TRIM33: variants seen among roughly 807,000 people sequenced by gnomAD.
The protein encoded by TRIM33 is E3 ubiquitin-protein ligase TRIM33.
In TRIM33, 20 loss-of-function variants were observed where a neutral mutation model predicts 125.4. That is an observed-to-expected ratio of 0.16 (90% CI 0.11 to 0.23). TRIM33 has a LOEUF of 0.23. Ranked by LOEUF, TRIM33 falls within the 10% of genes least tolerant of loss-of-function variation. The pLI, the probability that TRIM33 is intolerant of heterozygous loss-of-function variation, is 1.00. For missense variants in TRIM33, 920 were observed against 1,411.4 expected (o/e 0.65, Z 5.58); for synonymous variants, 564 against 513.9 (o/e 1.10, Z -1.32).
intron 17 of TRIM33, 65 bp from the exon 18 acceptor site, chr1:114,399,674 T>C (rs73003383): frequency 0.06 from 80,741 of 1,340,596 alleles, 2,613 homozygotes; most frequent in African/African-American, 0.087. Flanking sequence ...AATTTGAAAA[T>C]GCATAGCATA....
At chr1:114,483,947 G>T (rs754934503) in intron 1 of TRIM33, among the ~76,000 whole-genome samples, 11 of 152,104 alleles carry the variant, frequency 7.2e-5, no homozygotes, top group Non-Finnish European at 1.5e-4. Flanking sequence ...TTAGGAAACC[G>T]GAACAATGAG....
chr1:114,409,209 CATTTA>C lies in TRIM33; in HGVS notation c.2195-474_2195-470del, dbSNP rs556759600. The stretch of plus-strand genomic sequence containing the variant: ...GTGTGTTTCAGTAAGAAAAAAATAA[CATTTA>C]ATTTACGTTAGAAAAATACATTCAA... On this transcript the variant is annotated intron_variant, in intron 12 of 19. Transcript: ENST00000358465. Among the ~76,000 whole-genome samples, 765 of 152,224 alleles carry C rather than the reference CATTTA, an allele frequency of 5.0e-3. 7 individuals carry two copies. The highest frequency in any genetic ancestry group is 0.018 in the African/African-American group (727 of 41,536).
rs563481831 is a variant in TRIM33, at chr1:114,398,477, A to G, written c.3121-487T>C. On this transcript the variant is annotated intron_variant, in intron 18 of 19. Coordinates refer to ENST00000358465, the MANE Select transcript of TRIM33 (RefSeq NM_015906.4). ...GAAAATAATTTAACTGCACTGAAAA[A>G]TAAGACAGAATTTGGGACTAAATAT... Among the ~76,000 whole-genome samples, 173 of 152,322 alleles carry G rather than the reference A, an allele frequency of 1.1e-3. 1 individual carries two copies. The highest frequency in any genetic ancestry group is 1.8e-3 in the Non-Finnish European group (124 of 68,000).
chr1:114,422,539 G>A (rs141978450), intron 10 of TRIM33, among the ~76,000 whole-genome samples: 252 of 152,092 alleles, frequency 1.7e-3, no homozygotes, highest in African/African-American at 5.7e-3. Flanking sequence ...ATGCTCTGCT[G>A]GATCTCCTTT....
At chr1:114,442,730 TAGA>T (rs1305777626) in intron 4 of TRIM33, among the ~76,000 whole-genome samples, 3 of 150,688 alleles carry the variant, frequency 2.0e-5, no homozygotes, top group Non-Finnish European at 4.4e-5. Flanking sequence ...AAAAAACTCT[TAGA>T]AGAATTTACG....
intron 11 of TRIM33, among the ~76,000 whole-genome samples, chr1:114,413,002 C>CA (rs1386693206): frequency 6.6e-6 from 1 of 152,148 alleles, no homozygotes. Flanking sequence ...ACATTCTCAC[C>CA]AATACTTGCT....
At chr1:114,458,503 G>A (rs1649755677) in intron 4 of TRIM33, among the ~76,000 whole-genome samples, 1 of 152,124 alleles carries the variant, frequency 6.6e-6, no homozygotes, top group South Asian at 2.1e-4. Flanking sequence ...ATAACTCACT[G>A]CACAAAGACA....
intron 1 of TRIM33, among the ~76,000 whole-genome samples, chr1:114,487,234 C>G (rs1235274548): frequency 6.7e-6 from 1 of 149,344 alleles, no homozygotes. Context: ...CATAAAAGTT[C>G]TGAAAGATAA....
At chr1:114,436,547 C>T (rs909485999) in intron 4 of TRIM33, among the ~76,000 whole-genome samples, 9 of 151,972 alleles carry the variant, frequency 5.9e-5, no homozygotes, top group Non-Finnish European at 1.2e-4. Flanking sequence ...CTCACTGCAA[C>T]CTCCACCTCC....
intron 4 of TRIM33, among the ~76,000 whole-genome samples, chr1:114,438,683 T>C (rs773107536): frequency 6.5e-5 from 9 of 139,306 alleles, no homozygotes; most frequent in Non-Finnish European, 1.4e-4. Flanking sequence ...TGTGTCTCAC[T>C]TCTTCTCCAG....
intron 1 of TRIM33, chr1:114,468,683 TA>T: frequency 2.3e-6 from 1 of 442,074 alleles, no homozygotes. Flanking sequence ...TGCTTGGCAA[TA>T]AAAAGAAGAA....
intron 5 of TRIM33, among the ~76,000 whole-genome samples, chr1:114,433,190 T>C (rs1037477455): frequency 6.6e-6 from 1 of 152,230 alleles, no homozygotes; most frequent in East Asian, 1.9e-4. Context: ...CCAGAAACTA[T>C]ATCATGTATT....
chr1:114,504,585 G>T lies in TRIM33; in HGVS notation c.526+5966C>A, dbSNP rs191818944. ...GTTTTAAACTTGTGCACCTCTAAAA[G>T]GGTCTCAGTGACACGGTCACTACCA... On this transcript the variant is annotated intron_variant, in intron 1 of 19. Transcript: ENST00000358465. Among the ~76,000 whole-genome samples the T allele has an allele frequency of 1.8e-3, 268 of 152,296 alleles. 4 individuals are homozygous for T. The highest frequency in any genetic ancestry group is 5.4e-4 in the Non-Finnish European group (37 of 68,006).
At chr1:114,467,939 G>C (rs1650403458) in intron 1 of TRIM33, among the ~76,000 whole-genome samples, 1 of 152,188 alleles carries the variant, frequency 6.6e-6, no homozygotes, top group African/African-American at 2.4e-5. Context: ...GAGGGGAGTT[G>C]AGAGAATTTA....
intron 4 of TRIM33, among the ~76,000 whole-genome samples, chr1:114,442,858 C>T (rs1201335389): frequency 1.3e-5 from 2 of 151,882 alleles, no homozygotes; most frequent in Admixed American, 1.3e-4. Flanking sequence ...TTTTTTATAT[C>T]CAGGCCATAA....
intron 11 of TRIM33, among the ~76,000 whole-genome samples, chr1:114,415,428 T>G (rs1652875390): frequency 6.6e-6 from 1 of 152,230 alleles, no homozygotes; most frequent in Admixed American, 6.5e-5. Context: ...TTCATGCCCT[T>G]TGTTGCTTCA....
At chr1:114,406,764 C>G (rs1303959252) in intron 14 of TRIM33, among the ~76,000 whole-genome samples, 177 bp downstream of exon 14, 1 of 152,204 alleles carries the variant, frequency 6.6e-6, no homozygotes. Flanking sequence ...TGATTAATTA[C>G]AGCTGACTCT....
intron 1 of TRIM33, among the ~76,000 whole-genome samples, chr1:114,505,939 A>G (rs1277139914): frequency 6.6e-6 from 1 of 152,192 alleles, no homozygotes; most frequent in East Asian, 1.9e-4. Context: ...CCCACAAACT[A>G]TAAGGACATT....
intron 1 of TRIM33, among the ~76,000 whole-genome samples, chr1:114,495,024 G>A (rs116560490): frequency 0.016 from 2,496 of 152,102 alleles, 64 homozygotes; most frequent in African/African-American, 0.057. Flanking sequence ...AGCGATTATC[G>A]TGACTCAGCC....
Sources: gnomAD v4.1 joint callset for allele counts (sites outside exome capture counted in the v4.1 genomes callset) on GRCh38, gnomAD v4.1.1 for gene constraint, MANE v1.5 for transcripts, NCBI Gene and HGNC (gene_info 2026-07-23, HGNC 2026-07-21) for gene names.